The following RPS6KA2 variants were observed in gnomAD, a reference collection of about 807,000 sequenced individuals.
RPS6KA2 encodes ribosomal protein S6 kinase A2, also known as ribosomal protein S6 kinase alpha-2.
In RPS6KA2, 42 loss-of-function variants were observed where a neutral mutation model predicts 91.8. The observed-to-expected ratio is 0.46, with a 90% CI of 0.36 to 0.59. The LOEUF is 0.59. RPS6KA2 is among the 20% of genes least tolerant of loss of function. RPS6KA2 has a pLI of 0.00. For missense variants in RPS6KA2, 798 were observed against 978.5 expected (o/e 0.82, Z 2.46); for synonymous variants, 414 against 393.6 (o/e 1.05, Z -0.61).
chr6:166,741,063 G>A (rs1008171774), intron 2 of RPS6KA2, among the ~76,000 whole-genome samples: 9 of 152,342 alleles, frequency 5.9e-5, no homozygotes, highest in East Asian at 5.8e-4. Context: ...TAATGCAGGC[G>A]CTCATCCAAA....
chr6:166,737,324 C>A lies in RPS6KA2; in HGVS notation c.123+120876G>T, dbSNP rs999145419. Among the ~76,000 whole-genome samples, 22 of 152,190 alleles carry A rather than the reference C, an allele frequency of 1.4e-4. No individual in the cohort carries two copies. Among genetic ancestry groups the A allele is most frequent in the African/African-American group, 5.3e-4 (22 of 41,452 alleles). On this transcript the variant is annotated intron_variant, in intron 2 of 21. Coordinates refer to the RPS6KA2 transcript ENST00000503859. This position sits in a 1 kb window ranked among gnomAD's most constrained non-coding sequence, Gnocchi z 4.3. ...CGTGTGGCTGCCATGACCCTTCACC[C>A]CAGCGGCAGCCTGGTGTGATAATTG... is the stretch of plus-strand genomic sequence containing the variant.
rs1461645521 is a variant in RPS6KA2, at chr6:166,451,356, T to TGTGTGC, written c.1076-124_1076-123insGCACAC. 5 of 1,097,788 alleles carry TGTGTGC rather than the reference T, an allele frequency of 4.6e-6. No homozygotes were observed. The African/African-American group carries it at 7.7e-5, about 17-fold the overall frequency. 68.0% of individuals were successfully genotyped at this position (1,097,788 alleles called of 1,614,324 possible). On this transcript the variant is annotated intron_variant, in intron 12 of 20. Coordinates refer to ENST00000265678, the MANE Select transcript of RPS6KA2 (RefSeq NM_021135.6). Reference sequence around the variant, plus strand: ...CCGTGTGTGTGTGTGTGTGTGTGTGTGTGCACGTGGCGTATGCCTGTGGTG... The same window carrying TGTGTGC: ...CCGTGTGTGTGTGTGTGTGTGTGTGTGTGTGCGTGCACGTGGCGTATGCCTGTGGTG...
chr6:166,740,675 CAT>C (rs1790787718), intron 2 of RPS6KA2, among the ~76,000 whole-genome samples: 1 of 152,224 alleles, frequency 6.6e-6, no homozygotes, highest in South Asian at 2.1e-4. Flanking sequence ...ATGTTTGCAG[CAT>C]TTGTGACAAA....
chr6:166,608,934 C>G (rs778632934), intron 1 of RPS6KA2, among the ~76,000 whole-genome samples: 5 of 152,056 alleles, frequency 3.3e-5, no homozygotes, highest in Non-Finnish European at 5.9e-5. Flanking sequence ...AATGAATAAA[C>G]AACTTAAGAT....
chr6:166,611,500 T>C (rs1562340399), intron 1 of RPS6KA2, among the ~76,000 whole-genome samples: 1 of 152,236 alleles, frequency 6.6e-6, no homozygotes, highest in Non-Finnish European at 1.5e-5. Context: ...TATAACATAC[T>C]TATCCTCAGG....
At chr6:166,675,036 G>A (rs1788578825) in intron 2 of RPS6KA2, among the ~76,000 whole-genome samples, 1 of 152,210 alleles carries the variant, frequency 6.6e-6, no homozygotes, top group Non-Finnish European at 1.5e-5. Context: ...CATAAAGAGT[G>A]AGCTGCAGTG....
intron 2 of RPS6KA2, among the ~76,000 whole-genome samples, chr6:166,750,661 T>G (rs919443044): frequency 6.6e-6 from 1 of 152,212 alleles, no homozygotes; most frequent in African/African-American, 2.4e-5. Flanking sequence ...GCATCCCTTG[T>G]GCCTAGAACA....
At chr6:166,414,055 T>C in intron 19 of RPS6KA2, 124 bp from the exon 20 acceptor site, 1 of 782,326 alleles carries the variant, frequency 1.3e-6, no homozygotes, top group South Asian at 2.0e-5. Flanking sequence ...AGTGTGGGTC[T>C]TTGCATTTTG....
At chr6:166,707,893 A>C (rs1046271601) in intron 2 of RPS6KA2, among the ~76,000 whole-genome samples, 1 of 152,070 alleles carries the variant, frequency 6.6e-6, no homozygotes, top group African/African-American at 2.4e-5. Flanking sequence ...ACAGGTGTGC[A>C]CCACCGTGCC....
chr6:166,430,536 G>A lies in RPS6KA2; in HGVS notation c.1498C>T (p.Arg500Trp), dbSNP rs779184447. 25 of 1,613,926 alleles carry A rather than the reference G, an allele frequency of 1.5e-5. No homozygotes were observed. The highest frequency in any genetic ancestry group is 2.7e-5 in the African/African-American group (2 of 74,910). The change falls in exon 16 of 21, where the codon CGG becomes TGG. Residue 500 changes from arginine (R) to tryptophan (W), a missense_variant. Physicochemically the swap from Arg to Trp is moderately radical, Grantham distance 101. Coordinates refer to ENST00000265678, the MANE Select transcript of RPS6KA2 (RefSeq NM_021135.6). ...TCGCGCTCCGAGAAGTATCTCTGCC[G>A]GAGGATGCGGTCCAGGAGCTCCCCA... ...RGGELLDRILRQRYFSEREAS... is the reference protein window; with the variant it reads ...RGGELLDRILWQRYFSEREAS...
chr6:166,683,843 A>G (rs1417163224), intron 2 of RPS6KA2, among the ~76,000 whole-genome samples: 1 of 152,268 alleles, frequency 6.6e-6, no homozygotes, highest in African/African-American at 2.4e-5. Context: ...GAGAGCAGCT[A>G]GCGAGAGGTC....
rs1219932713 is a variant in RPS6KA2 at position 166,500,179 on chromosome 6, T to C, written c.604+708A>G. On this transcript the variant is annotated intron_variant, in intron 7 of 20. Transcript: ENST00000265678. This position sits in a 1 kb window ranked among gnomAD's most constrained non-coding sequence, Gnocchi z 4.3. ...GCCCCCAAAAGGCAGGCAGCCCTGC[T>C]GACACCTTGATTTCATTCCTGGGAG... is the stretch of plus-strand genomic sequence containing the variant. 6.6e-6 allele frequency among the ~76,000 whole-genome samples: 1 copy of C among 152,228 alleles called. No individual in the cohort carries two copies. The highest frequency in any genetic ancestry group is 1.5e-5 in the Non-Finnish European group (1 of 68,042).
intron 2 of RPS6KA2, among the ~76,000 whole-genome samples, chr6:166,807,968 G>A (rs568430267): frequency 2.3e-4 from 34 of 150,716 alleles, no homozygotes; most frequent in East Asian, 1.2e-3. Context: ...AGCTCCCACC[G>A]CTGCAGGGGA....
At chr6:166,550,864 G>A (rs1783991947) in intron 1 of RPS6KA2, among the ~76,000 whole-genome samples, 1 of 151,862 alleles carries the variant, frequency 6.6e-6, no homozygotes, top group Admixed American at 6.5e-5. Flanking sequence ...AGCCAGGCGT[G>A]GTGGCGGGCG....
chr6:166,439,100 T>TTTAATTAATTAATTAA (rs36181462), intron 14 of RPS6KA2, among the ~76,000 whole-genome samples: 1 of 135,764 alleles, frequency 7.4e-6, no homozygotes, highest in African/African-American at 2.6e-5. Context: ...TGTCTTTATT[T>TTTAATTAATTAATTAA]TTAATTAATT....
intron 2 of RPS6KA2, among the ~76,000 whole-genome samples, chr6:166,538,303 C>A (rs1249858402): frequency 1.3e-5 from 2 of 152,066 alleles, no homozygotes; most frequent in African/African-American, 2.4e-5. Context: ...TTTCCTTGTT[C>A]TCTTATTTTT....
chr6:166,781,557 C>T (rs1476696496), intron 2 of RPS6KA2, among the ~76,000 whole-genome samples: 1 of 152,108 alleles, frequency 6.6e-6, no homozygotes, highest in Non-Finnish European at 1.5e-5. Flanking sequence ...CCCAGGACTG[C>T]ATGCATGCAC....
intron 2 of RPS6KA2, among the ~76,000 whole-genome samples, chr6:166,743,866 G>A (rs757915307): frequency 4.7e-4 from 71 of 151,826 alleles, no homozygotes; most frequent in Non-Finnish European, 6.6e-4. Context: ...GTCAGTGCAC[G>A]GCAGACAGGG....
chr6:166,474,391 C>T (rs779888283), intron 10 of RPS6KA2, among the ~76,000 whole-genome samples: 3 of 152,198 alleles, frequency 2.0e-5, no homozygotes, highest in Admixed American at 6.5e-5. Flanking sequence ...AGGTGATGGG[C>T]GTTGATTTGC....
Sources: gnomAD v4.1 joint callset for allele counts (sites outside exome capture counted in the v4.1 genomes callset) on GRCh38, gnomAD v4.1.1 for gene constraint, Gnocchi (gnomAD v3.1) non-coding constraint, MANE v1.5 for transcripts, NCBI Gene and HGNC (gene_info 2026-07-23, HGNC 2026-07-21) for gene names.